The following ITGA9 variants were observed in gnomAD, a reference collection of about 807,000 sequenced individuals.
ITGA9 encodes the protein integrin subunit alpha 9, also known as integrin alpha-9.
In ITGA9, 56 loss-of-function variants were observed where a neutral mutation model predicts 127.8. The ratio of observed to expected loss-of-function variants is 0.44; its 90% CI spans 0.35 to 0.55. The LOEUF (loss-of-function observed/expected upper bound fraction) is 0.55. ITGA9 is among the 20% of genes least tolerant of loss of function. The pLI is 0.00. For missense variants in ITGA9, 1,196 were observed against 1,347.1 expected, an observed-to-expected ratio of 0.89 and a Z score of 1.76; for synonymous variants, 508 against 514.5, an observed-to-expected ratio of 0.99 and a Z score of 0.17.
chr3:37,741,706 A>G (rs754775570), intron 20 of ITGA9, 24 bp from the exon 21 acceptor site: 4 of 1,598,738 alleles, frequency 2.5e-6, no homozygotes, highest in Non-Finnish European at 3.4e-6. Context: ...GCCAGCGTTC[A>G]TTCATTCTCC....
rs571637030 is a variant in ITGA9, at chr3:37,681,420, C to T, written c.1917-2445C>T. 3.9e-5 allele frequency among the ~76,000 whole-genome samples: 6 copies of T among 152,280 alleles called. No individual in the cohort carries two copies. The East Asian group carries it at 9.7e-4, about 25-fold the overall frequency. On this transcript the variant is annotated intron_variant, in intron 17 of 27. Transcript: ENST00000264741. ...CCCTGGGTGGGAGCATCTGTTCTCA[C>T]ATCGCTGCCACTTGATCACCCTTAG...
At chr3:37,655,497 T>C (rs929254432) in intron 17 of ITGA9, among the ~76,000 whole-genome samples, 4 of 152,236 alleles carry the variant, frequency 2.6e-5, no homozygotes, top group African/African-American at 9.6e-5. Context: ...ATGTCTTCTT[T>C]TGAGAAGTGT....
At chr3:37,802,930 T>C (rs1697251739) in intron 26 of ITGA9, among the ~76,000 whole-genome samples, 1 of 152,216 alleles carries the variant, frequency 6.6e-6, no homozygotes, top group Non-Finnish European at 1.5e-5. Flanking sequence ...CATTGGAACA[T>C]GGGCTCCAAT....
intron 15 of ITGA9, among the ~76,000 whole-genome samples, chr3:37,562,984 C>T (rs1699509215): frequency 6.6e-6 from 1 of 151,770 alleles, no homozygotes; most frequent in Admixed American, 6.6e-5. Context: ...TGCTTGGCAT[C>T]AGGAACTATT....
intron 19 of ITGA9, among the ~76,000 whole-genome samples, chr3:37,733,427 G>A (rs1299050207): frequency 2.7e-5 from 4 of 147,622 alleles, no homozygotes; most frequent in African/African-American, 1.0e-4. Flanking sequence ...GTGGTGATTG[G>A]AGGCAAAACT....
intron 1 of ITGA9, among the ~76,000 whole-genome samples, chr3:37,463,650 G>A (rs1206614172): frequency 6.6e-6 from 1 of 152,170 alleles, no homozygotes; most frequent in African/African-American, 2.4e-5. Context: ...TACATCAAGA[G>A]GAGGCAGAAA....
intron 14 of ITGA9, among the ~76,000 whole-genome samples, chr3:37,538,333 A>AG (rs1318691050): frequency 6.6e-6 from 1 of 151,704 alleles, no homozygotes; most frequent in African/African-American, 2.4e-5. Flanking sequence ...AGGCCCGTGC[A>AG]GGGGGGCTCC....
chr3:37,780,167 C>A, intron 25 of ITGA9, 146 bp downstream of exon 25: 1 of 896,396 alleles, frequency 1.1e-6, no homozygotes, highest in Non-Finnish European at 1.8e-6. Context: ...TGGCTGTCTA[C>A]AAGAGACTGT....
chr3:37,731,440 T>C (rs938433229), intron 18 of ITGA9, among the ~76,000 whole-genome samples: 3 of 152,218 alleles, frequency 2.0e-5, no homozygotes, highest in African/African-American at 7.2e-5. Flanking sequence ...CTAATCATCA[T>C]TGAGATCAGT....
At chr3:37,472,051 G>T (rs1379602183) in intron 2 of ITGA9, among the ~76,000 whole-genome samples, 1 of 152,034 alleles carries the variant, frequency 6.6e-6, no homozygotes, top group Non-Finnish European at 1.5e-5. Context: ...TGAGACTCTT[G>T]TCTCCAAAAA....
At chr3:37,526,442 G>T (rs1313066021) in intron 13 of ITGA9, among the ~76,000 whole-genome samples, 1 of 152,170 alleles carries the variant, frequency 6.6e-6, no homozygotes, top group African/African-American at 2.4e-5. Context: ...TTTCCTGCGG[G>T]TGCTGGGAAG....
At chr3:37,578,806 C>T (rs1699677620) in intron 15 of ITGA9, among the ~76,000 whole-genome samples, 1 of 148,108 alleles carries the variant, frequency 6.8e-6, no homozygotes, top group African/African-American at 2.5e-5. Flanking sequence ...ACAGGGAAAA[C>T]TTCATCATGA....
At chr3:37,766,418 C>A (rs1696780996) in intron 23 of ITGA9, among the ~76,000 whole-genome samples, 1 of 152,202 alleles carries the variant, frequency 6.6e-6, no homozygotes, top group South Asian at 2.1e-4. Context: ...TGAGGTTTCA[C>A]TTTTCACTGC....
intron 23 of ITGA9, among the ~76,000 whole-genome samples, chr3:37,756,616 G>A (rs1053072806): frequency 1.3e-5 from 2 of 152,126 alleles, no homozygotes; most frequent in Non-Finnish European, 2.9e-5. Flanking sequence ...TCTGTAAAAT[G>A]AACTAGTAGT....
At chr3:37,695,468 G>A (rs1022102492) in intron 18 of ITGA9, among the ~76,000 whole-genome samples, 3 of 152,220 alleles carry the variant, frequency 2.0e-5, no homozygotes, top group African/African-American at 4.8e-5. Context: ...TGTGTCAGTT[G>A]CACATGGGAT....
intron 13 of ITGA9, among the ~76,000 whole-genome samples, chr3:37,526,306 G>A (rs1699092755): frequency 6.7e-6 from 1 of 148,156 alleles, no homozygotes. Context: ...TCTAGGTAGG[G>A]GTTGGGGTAG....
intron 26 of ITGA9, among the ~76,000 whole-genome samples, chr3:37,797,654 GTTTAC>G (rs963199760): frequency 6.6e-6 from 1 of 152,182 alleles, no homozygotes; most frequent in Non-Finnish European, 1.5e-5. Flanking sequence ...AAAAACACCT[GTTTAC>G]TTTAAAGGGT....
rs192461501 is a variant in ITGA9, at chr3:37,814,551, G to A, written c.3010-4340G>A. Among the ~76,000 whole-genome samples the A allele has an allele frequency of 1.3e-5, 2 of 152,064 alleles. No homozygotes were observed. Among genetic ancestry groups the A allele is most frequent in the African/African-American group, 2.4e-5 (1 of 41,400 alleles). On this transcript the variant is annotated intron_variant, in intron 27 of 27. Transcript: ENST00000264741. This position sits in a 1 kb window ranked among gnomAD's most constrained non-coding sequence, Gnocchi z 4.3. ...CTGCACTCCAGCCTGGCAACAGAGC[G>A]AGACTCCATCCCCCACCCCCCCAAA...
chr3:37,614,025 A>G (rs577037048), intron 15 of ITGA9, among the ~76,000 whole-genome samples: 3 of 152,352 alleles, frequency 2.0e-5, no homozygotes, highest in Non-Finnish European at 2.9e-5. Context: ...TGTTTTAGAC[A>G]TGAAGTCCTT....
Sources: gnomAD v4.1 joint callset for allele counts (sites outside exome capture counted in the v4.1 genomes callset) on GRCh38, gnomAD v4.1.1 for gene constraint, Gnocchi (gnomAD v3.1) non-coding constraint, MANE v1.5 for transcripts, NCBI Gene and HGNC (gene_info 2026-07-23, HGNC 2026-07-21) for gene names.